The following NOP14 variants were observed in gnomAD, a reference collection of about 807,000 sequenced individuals.
NOP14 encodes the protein nucleolar protein 14.
NOP14 carries 57 observed loss-of-function variants against 101.6 expected under a neutral mutation model. The observed-to-expected ratio is 0.56, with a 90% CI of 0.45 to 0.70. The LOEUF (loss-of-function observed/expected upper bound fraction) is 0.70. Ranked by LOEUF, NOP14 falls within the 30% of genes least tolerant of loss-of-function variation. The pLI is 0.00. For synonymous variants in NOP14, 428 were observed against 424.0 expected, an observed-to-expected ratio of 1.01 and a Z score of -0.12; for missense variants, 1,134 against 1,075.5, an observed-to-expected ratio of 1.05 and a Z score of -0.76.
intron 14 of NOP14, 65 bp from the exon 15 acceptor site, chr4:2,941,794 G>A (rs1366395756): frequency 2.5e-5 from 39 of 1,541,036 alleles, no homozygotes; most frequent in East Asian, 4.6e-5. Context: ...AACCAATAAC[G>A]TGGCAAAAAT....
intron 3 of NOP14, among the ~76,000 whole-genome samples, chr4:2,955,004 C>T (rs13114014): frequency 0.26 from 36,996 of 140,190 alleles, 3,148 homozygotes; most frequent in Non-Finnish European, 0.29. Context: ...GTCACCTGCA[C>T]GCCACGGCGC....
At chr4:2,941,764 G>A (rs940822614) in intron 14 of NOP14, 35 bp from the exon 15 acceptor site, 1 of 1,599,546 alleles carries the variant, frequency 6.3e-7, no homozygotes, top group Non-Finnish European at 8.5e-7. Context: ...GGTCCAACTT[G>A]TTCTGTTTGT....
Position 2,954,498 on chromosome 4 carries a change from C to G in NOP14, c.538G>C (p.Gly180Arg). 3.1e-6 allele frequency: 5 copies of G among 1,614,208 alleles called. No individual in the cohort carries two copies. Among genetic ancestry groups the G allele is most frequent in the Non-Finnish European group, 3.4e-6 (4 of 1,180,028 alleles). ...GLLHKKTQQE[G>R]EEREKPKSRK... is the part of the protein sequence containing the mutation. The stretch of plus-strand genomic sequence containing the variant: ...GACTTCGGTTTCTCCCGCTCCTCGC[C>G]TTCCTGTTGAGTCTTCTTGTGAAGG... The change falls in exon 4 of 18, where the codon GGC becomes CGC. Residue 180 changes from glycine to arginine, a missense_variant. Gly to Arg is a moderately radical substitution (Grantham distance 125). Transcript: ENST00000416614.
chr4:2,955,522 A>C (rs1303196792), intron 3 of NOP14, among the ~76,000 whole-genome samples: 12 of 67,188 alleles, frequency 1.8e-4, no homozygotes, highest in Admixed American at 4.8e-4. Flanking sequence ...CGCCCCCTCT[A>C]GTCACCTGCA....
rs1472758852 is a variant in NOP14, at chr4:2,937,999, G to A, written c.*832C>T. The A allele has an allele frequency of 1.4e-5, 3 of 221,280 alleles. No homozygotes were observed. The highest frequency in any genetic ancestry group is 1.1e-4 in the Admixed American group (2 of 17,946). 13.7% of individuals were successfully genotyped at this position (221,280 alleles called of 1,614,324 possible). The stretch of plus-strand genomic sequence containing the variant: ...GTAAATTCTACACATGAAGGCAAAC[G>A]TCCGTGGTTGACAGAAATTACACTG... On this transcript the variant is annotated 3_prime_UTR_variant, in exon 18 of 18. Transcript: ENST00000416614.
chr4:2,941,555 A>G, intron 15 of NOP14, 27 bp downstream of exon 15: 3 of 1,606,814 alleles, frequency 1.9e-6, no homozygotes, highest in Non-Finnish European at 2.5e-6. Flanking sequence ...GCCCAGGCAG[A>G]GCACCCTAGT....
chr4:2,952,024 T>C (rs1715056096), intron 6 of NOP14, among the ~76,000 whole-genome samples: 1 of 151,766 alleles, frequency 6.6e-6, no homozygotes, highest in African/African-American at 2.4e-5. Flanking sequence ...GGAGAATCAC[T>C]TGAACCCAGG....
At chr4:2,951,963 C>T (rs1414532478) in intron 6 of NOP14, among the ~76,000 whole-genome samples, 4 of 151,946 alleles carry the variant, frequency 2.6e-5, no homozygotes, top group South Asian at 2.1e-4. Context: ...AAAAATTAGC[C>T]GGGCGTGGTG....
At chr4:2,945,735 C>T (rs894819746) in intron 11 of NOP14, among the ~76,000 whole-genome samples, 9 of 152,214 alleles carry the variant, frequency 5.9e-5, no homozygotes, top group African/African-American at 1.9e-4. Context: ...TTAAACCAGC[C>T]CACAGGCTTG....
intron 10 of NOP14, chr4:2,947,308 A>C (rs569499021): frequency 3.5e-6 from 2 of 565,340 alleles, no homozygotes; most frequent in African/African-American, 3.8e-5. Flanking sequence ...TGTGGTTAAA[A>C]GTCAGTCCCA....
At chr4:2,952,506 T>A in intron 5 of NOP14, 109 bp from the exon 6 acceptor site, 1 of 999,714 alleles carries the variant, frequency 1.0e-6, no homozygotes, top group Non-Finnish European at 1.4e-6. Flanking sequence ...TAGATAATGT[T>A]ATTGAAGTAG....
Position 2,949,998 on chromosome 4 carries a change from C to G in NOP14, c.1218G>C (p.Gly406=). The G allele has an allele frequency of 6.2e-7, 1 of 1,614,144 alleles. No individual in the cohort carries two copies. The highest frequency in any genetic ancestry group is 8.5e-7 in the Non-Finnish European group (1 of 1,180,026). The part of the protein sequence containing the change: ...AKEQRQTPGK[G]LISGKERAGK... ...CAGCTCTTTCCTTGCCGCTTATCAA[C>G]CCTTTCCCAGGAGTCTGCCTCTGCT... Residue 406 remains glycine (G), a synonymous_variant, in exon 8 of 18, where the codon GGG becomes GGC. Transcript: ENST00000416614.
chr4:2,941,490 C>T, intron 15 of NOP14, 92 bp downstream of exon 15: 1 of 1,181,552 alleles, frequency 8.5e-7, no homozygotes, highest in Non-Finnish European at 1.2e-6. Flanking sequence ...CTTACAGCTG[C>T]AGCATCAAAT....
At position 2,960,775 on chromosome 4, in the gene NOP14, T is replaced by TC. The variant is rs1715726174; in HGVS notation, c.195+2349_195+2350insG. Among the ~76,000 whole-genome samples the TC allele has an allele frequency of 2.2e-5, 3 of 135,686 alleles. 1 individual carries two copies. The highest frequency in any genetic ancestry group is 4.6e-5 in the Non-Finnish European group (3 of 65,428). The allele number at this position is 135,686 out of a possible 152,430, so 89.0% of individuals were successfully genotyped here. A position where few individuals can be genotyped will look rare whatever the true frequency, so the allele number is the denominator to read the frequency against. ...TATAATCACATTAATATTAATATATTAATATTATAATCACATTAATATTAA... is the reference window on the plus strand; with the variant it reads ...TATAATCACATTAATATTAATATATTCAATATTATAATCACATTAATATTAA... On this transcript the variant is annotated intron_variant, in intron 1 of 17. Coordinates refer to ENST00000416614, the MANE Select transcript of NOP14 (RefSeq NM_001291978.2).
rs773891316 is a variant in NOP14 at position 2,942,243 on chromosome 4, C to T, written c.2000G>A (p.Arg667His). Residue 667 changes from arginine (R) to histidine (H), a missense_variant, in exon 14 of 18, where the codon CGC becomes CAC. Transcript: ENST00000416614. Reference sequence around the variant, plus strand: ...TGGGGCCCTCAGTCTACTCGCCCAGCGGAGGGAGAGGCTGCTCTGCTGCCA... The same window carrying T: ...TGGGGCCCTCAGTCTACTCGCCCAGTGGAGGGAGAGGCTGCTCTGCTGCCA... ...ATWQQSSLSLRWASRLRAPTS... is the reference protein window; with the variant it reads ...ATWQQSSLSLHWASRLRAPTS... 30 of 1,614,026 alleles carry T rather than the reference C, an allele frequency of 1.9e-5. No individual in the cohort carries two copies. Among genetic ancestry groups the T allele is most frequent in the Admixed American group, 1.5e-4 (9 of 60,006 alleles).
At chr4:2,962,982 C>T (rs916648296) in intron 1 of NOP14, 143 bp downstream of exon 1, 6 of 796,318 alleles carry the variant, frequency 7.5e-6, no homozygotes, top group African/African-American at 7.4e-5. Flanking sequence ...CAGAGGCTTT[C>T]GGACTATCAA....
chr4:2,960,671 TA>T (rs1715675784), intron 1 of NOP14, among the ~76,000 whole-genome samples: 1 of 139,902 alleles, frequency 7.1e-6, no homozygotes, highest in African/African-American at 2.8e-5. Flanking sequence ...ATTATTATAT[TA>T]ATATTATATT....
At position 2,949,924 on chromosome 4, in the gene NOP14, A is replaced by T; in HGVS notation, c.1282+10T>A. ...TCCCAGAACCTGAGGAAACCCGCGC[A>T]CTTGCCCACCTGCGAACGTGTAGGG... On this transcript the variant is annotated intron_variant, in intron 8 of 17. Coordinates refer to ENST00000416614, the MANE Select transcript of NOP14 (RefSeq NM_001291978.2). 1.2e-6 allele frequency: 2 copies of T among 1,613,880 alleles called. No homozygotes were observed.
At chr4:2,958,126 CTAT>C in intron 1 of NOP14, among the ~76,000 whole-genome samples, 1 of 152,242 alleles carries the variant, frequency 6.6e-6, no homozygotes, top group East Asian at 1.9e-4. Context: ...GAGGAGGGTA[CTAT>C]TTCCCATCAA....
Sources: gnomAD v4.1 joint callset for allele counts (sites outside exome capture counted in the v4.1 genomes callset) on GRCh38, gnomAD v4.1.1 for gene constraint, MANE v1.5 for transcripts, NCBI Gene and HGNC (gene_info 2026-07-23, HGNC 2026-07-21) for gene names.